Variants in LMNTD1 observed in about 807,000 individuals in gnomAD.
LMNTD1 encodes the protein lamin tail domain containing 1, also known as lamin tail domain-containing protein 1.
Under a neutral mutation model 50.9 loss-of-function variants are expected in LMNTD1, and 35 were observed. The observed-to-expected ratio is 0.69, with a 90% CI of 0.53 to 0.91. The LOEUF (loss-of-function observed/expected upper bound fraction) is 0.91, where lower values mean the gene tolerates loss of function less well. LMNTD1 is among the 40% of genes least tolerant of loss of function. The probability of loss-of-function intolerance (pLI) is 0.00; values close to 1 mark genes in which losing one functional copy is unlikely to be tolerated. For missense variants in LMNTD1, 470 were observed against 475.5 expected, an observed-to-expected ratio of 0.99 and a Z score of 0.11; for synonymous variants, 153 against 161.9, an observed-to-expected ratio of 0.94 and a Z score of 0.42.
chr12:25,645,064 T>C (rs139844937), intron 1 of LMNTD1, among the ~76,000 whole-genome samples: 2 of 152,288 alleles, frequency 1.3e-5, no homozygotes, highest in Non-Finnish European at 2.9e-5. Context: ...CTAGTAGGAC[T>C]CTTTCGCAGT....
At chr12:25,612,297 C>G (rs1004868156) in intron 1 of LMNTD1, among the ~76,000 whole-genome samples, 2 of 62,520 alleles carry the variant, frequency 3.2e-5, no homozygotes, top group African/African-American at 6.2e-5. Context: ...CCCTCACACA[C>G]ACACACACAC....
chr12:25,580,000 C>T (rs2136411982), intron 1 of LMNTD1, among the ~76,000 whole-genome samples: 1 of 152,210 alleles, frequency 6.6e-6, no homozygotes. Flanking sequence ...TGCTAAGGCC[C>T]TTCATGATTG....
In LMNTD1 at chr12:25,519,620, A is replaced by G. The variant is rs541432966; in HGVS notation, c.1016+238T>C. 2.4e-3 allele frequency among the ~76,000 whole-genome samples: 358 copies of G among 148,226 alleles called. 2 individuals are homozygous for G. Among genetic ancestry groups the G allele is most frequent in the Non-Finnish European group, 4.5e-3 (299 of 66,946 alleles). On this transcript the variant is annotated intron_variant, in intron 7 of 9. Coordinates refer to ENST00000458174, the MANE Select transcript of LMNTD1 (RefSeq NM_001145728.2). ...AAAAAAAAAAAAAAGTGAAATGGCC[A>G]GAGGGGTCTCAATACTACCTAGTGA...
intron 1 of LMNTD1, among the ~76,000 whole-genome samples, chr12:25,590,480 G>C (rs749763852): frequency 5.9e-5 from 9 of 152,140 alleles, no homozygotes; most frequent in Non-Finnish European, 1.3e-4. Flanking sequence ...AGGCCACAAG[G>C]ACTGCAACTC....
intron 9 of LMNTD1, among the ~76,000 whole-genome samples, chr12:25,488,191 T>C (rs1356637931): frequency 2.8e-5 from 4 of 140,798 alleles, no homozygotes; most frequent in Admixed American, 7.4e-5. Context: ...CCTTGCTAGA[T>C]TGGGGAAGTT....
At chr12:25,486,432 C>T (rs1314573473) in intron 9 of LMNTD1, among the ~76,000 whole-genome samples, 1 of 150,114 alleles carries the variant, frequency 6.7e-6, no homozygotes, top group Non-Finnish European at 1.5e-5. Flanking sequence ...TCTAGATATA[C>T]AATCATGTCG....
intron 1 of LMNTD1, among the ~76,000 whole-genome samples, chr12:25,631,116 C>T (rs2136595952): frequency 6.6e-6 from 1 of 152,190 alleles, no homozygotes; most frequent in East Asian, 1.9e-4. Flanking sequence ...GCCTGGGGAC[C>T]TCACCCCCAT....
rs116052223 is a variant in LMNTD1, at chr12:25,578,402, C to T, written c.59-31848G>A. Among the ~76,000 whole-genome samples the T allele has an allele frequency of 1.8e-3, 275 of 152,260 alleles. 1 individual carries two copies. Among genetic ancestry groups the T allele is most frequent in the African/African-American group, 6.4e-3 (265 of 41,540 alleles). On this transcript the variant is annotated intron_variant, in intron 1 of 7. Coordinates refer to the LMNTD1 transcript ENST00000445693. ...GAGAATGTGCCAAAAGTAAATTACTCAACTCCATAGCTTTTTTTTCCTGGA... is the reference window on the plus strand; with the variant it reads ...GAGAATGTGCCAAAAGTAAATTACTTAACTCCATAGCTTTTTTTTCCTGGA...
At chr12:25,625,650 G>A (rs961203639) in intron 1 of LMNTD1, among the ~76,000 whole-genome samples, 9 of 152,096 alleles carry the variant, frequency 5.9e-5, no homozygotes, top group African/African-American at 2.2e-4. Context: ...CAGACTCCCC[G>A]GCTTACTACT....
At chr12:25,628,863 G>C (rs2136589198) in intron 1 of LMNTD1, among the ~76,000 whole-genome samples, 1 of 152,202 alleles carries the variant, frequency 6.6e-6, no homozygotes, top group Non-Finnish European at 1.5e-5. Context: ...CAGAACTGTG[G>C]GAGAATAAAC....
At chr12:25,543,782 G>A (rs1163610686) in intron 4 of LMNTD1, among the ~76,000 whole-genome samples, 4 of 151,374 alleles carry the variant, frequency 2.6e-5, no homozygotes, top group Non-Finnish European at 5.9e-5. Context: ...TTGGTATGTT[G>A]TGTTTCCATT....
At chr12:25,597,686 C>T (rs1592088235) in intron 1 of LMNTD1, among the ~76,000 whole-genome samples, 1 of 152,208 alleles carries the variant, frequency 6.6e-6, no homozygotes, top group East Asian at 1.9e-4. Context: ...CCAATGGCTG[C>T]AGAATACACA....
chr12:25,553,300 C>T (rs569556297), upstream of LMNTD1: 7 of 1,392,494 alleles, frequency 5.0e-6, no homozygotes, highest in South Asian at 9.5e-5. Context: ...TGCTTCTGGC[C>T]AACACTGCCT....
chr12:25,527,681 T>TATATATATATACACACAC (rs1463259109), intron 4 of LMNTD1, among the ~76,000 whole-genome samples: 3 of 32,346 alleles, frequency 9.3e-5, no homozygotes, highest in East Asian at 1.1e-3. Context: ...TATATATATA[T>TATATATATATACACACAC]ACACACACAC....
chr12:25,485,652 A>G (rs1321803324), intron 9 of LMNTD1, among the ~76,000 whole-genome samples: 10,253 of 101,200 alleles, frequency 0.1, 411 homozygotes, highest in Middle Eastern at 0.18. Flanking sequence ...TAACGTTTAA[A>G]TCTTTAATCC....
At chr12:25,529,263 C>T (rs1274889728) in intron 4 of LMNTD1, among the ~76,000 whole-genome samples, 3 of 152,140 alleles carry the variant, frequency 2.0e-5, no homozygotes, top group African/African-American at 7.2e-5. Flanking sequence ...TTTTATTTCC[C>T]TCATTTATCC....
chr12:25,644,567 A>G (rs1680825607), intron 1 of LMNTD1, among the ~76,000 whole-genome samples: 1 of 152,096 alleles, frequency 6.6e-6, no homozygotes, highest in Non-Finnish European at 1.5e-5. Flanking sequence ...ACAAACAAAA[A>G]CAGAATCTTG....
At chr12:25,629,558 G>C (rs1946668299) in intron 1 of LMNTD1, among the ~76,000 whole-genome samples, 1 of 152,196 alleles carries the variant, frequency 6.6e-6, no homozygotes, top group South Asian at 2.1e-4. Context: ...ATCCAAGGGA[G>C]TTCCAAATCA....
chr12:25,492,412 T>C (rs915365092), intron 9 of LMNTD1, among the ~76,000 whole-genome samples: 3 of 152,220 alleles, frequency 2.0e-5, no homozygotes, highest in Non-Finnish European at 4.4e-5. Flanking sequence ...TTGCATTGTA[T>C]AGATTGATAT....
Sources: allele counts gnomAD v4.1 joint callset (sites outside exome capture counted in the v4.1 genomes callset), GRCh38; gene constraint gnomAD v4.1.1; transcripts MANE v1.5; gene names NCBI Gene and HGNC (gene_info 2026-07-23, HGNC 2026-07-21).